SUCLG2: variants seen among roughly 807,000 people sequenced by gnomAD.
SUCLG2 encodes the protein succinate-CoA ligase GDP-forming subunit beta.
A neutral mutation model predicts 47.9 loss-of-function variants in SUCLG2; 42 were observed. That is an observed-to-expected ratio of 0.88 (90% CI 0.69 to 1.14). SUCLG2 has a LOEUF of 1.14. SUCLG2 is among the 50% of genes most tolerant of loss of function. The pLI is 0.00. For missense variants in SUCLG2, 571 were observed against 525.9 expected (o/e 1.09, Z -0.84); for synonymous variants, 195 against 197.3 (o/e 0.99, Z 0.10).
At chr3:67,460,808 A>G (rs1029945319) in intron 9 of SUCLG2, among the ~76,000 whole-genome samples, 1 of 152,236 alleles carries the variant, frequency 6.6e-6, no homozygotes, top group African/African-American at 2.4e-5. Flanking sequence ...GGAAGGAAAA[A>G]TTAAAACTAT....
At chr3:67,499,615 G>A (rs1214092739) in intron 7 of SUCLG2, among the ~76,000 whole-genome samples, 1 of 152,216 alleles carries the variant, frequency 6.6e-6, no homozygotes, top group African/African-American at 2.4e-5. Context: ...CTGCAGTGGA[G>A]AGGGTGGCAT....
chr3:67,576,398 T>C (rs1258015523), intron 2 of SUCLG2, among the ~76,000 whole-genome samples: 2 of 152,118 alleles, frequency 1.3e-5, no homozygotes, highest in Admixed American at 1.3e-4. Context: ...GGTCCAAGTT[T>C]TAACAGGAAA....
intron 1 of SUCLG2, among the ~76,000 whole-genome samples, chr3:67,618,606 T>G (rs1404373925): frequency 2.0e-5 from 3 of 152,140 alleles, no homozygotes; most frequent in African/African-American, 7.2e-5. Flanking sequence ...AAAAAACCCA[T>G]GAGCTTTCTA....
intron 7 of SUCLG2, among the ~76,000 whole-genome samples, chr3:67,503,308 A>C (rs1221837667): frequency 6.6e-6 from 1 of 152,214 alleles, no homozygotes; most frequent in Non-Finnish European, 1.5e-5. Flanking sequence ...CATTCCATTA[A>C]CATGAAAACC....
intron 2 of SUCLG2, among the ~76,000 whole-genome samples, chr3:67,551,321 T>C (rs1383133846): frequency 6.6e-6 from 1 of 152,306 alleles, no homozygotes; most frequent in South Asian, 2.1e-4. Context: ...CTGCTACAAA[T>C]GCACACCATG....
At position 67,443,317 on chromosome 3, in the gene SUCLG2, C is replaced by T. The variant is rs1703823595; in HGVS notation, c.1063-42466G>A. ...CGGGAGGATGGAGTTCAGCGGGCAG[C>T]GGAGCTGTCTCAGTCTTTGCCGCCG... On this transcript the variant is annotated intron_variant, in intron 9 of 10. Transcript: ENST00000307227. 1.4e-4 allele frequency among the ~76,000 whole-genome samples: 3 copies of T among 21,734 alleles called. 1 individual carries two copies. The highest frequency in any genetic ancestry group is 5.7e-4 in the Admixed American group (1 of 1,766). The allele number at this position is 21,734 out of a possible 152,430, so 14.3% of individuals were successfully genotyped here. A position where few individuals can be genotyped will look rare whatever the true frequency, so the allele number is the denominator to read the frequency against.
rs541553169 is a variant in SUCLG2, at chr3:67,513,384, T to G, written c.661-4481A>C. 3.3e-5 allele frequency among the ~76,000 whole-genome samples: 5 copies of G among 152,350 alleles called. No individual in the cohort carries two copies. The East Asian group carries it at 9.6e-4, about 29-fold the overall frequency. On this transcript the variant is annotated intron_variant, in intron 6 of 10. Coordinates refer to ENST00000307227, the MANE Select transcript of SUCLG2 (RefSeq NM_003848.4). ...ATTTTGGGGATATTTTCTGTTTTAA[T>G]TTTTACTGTTGCACAAAGGCAGACC...
At chr3:67,570,631 T>C (rs1433970972) in intron 2 of SUCLG2, among the ~76,000 whole-genome samples, 3 of 152,172 alleles carry the variant, frequency 2.0e-5, no homozygotes, top group East Asian at 1.9e-4. Flanking sequence ...ATCATGCCTA[T>C]ATAGTGAAGC....
chr3:67,530,800 T>A (rs1417678420), intron 2 of SUCLG2, among the ~76,000 whole-genome samples: 1 of 152,186 alleles, frequency 6.6e-6, no homozygotes, highest in African/African-American at 2.4e-5. Flanking sequence ...ACAACATTGG[T>A]CAAGCCCTGT....
At chr3:67,383,525 C>T (rs1369889467) in intron 10 of SUCLG2, among the ~76,000 whole-genome samples, 1 of 152,148 alleles carries the variant, frequency 6.6e-6, no homozygotes, top group African/African-American at 2.4e-5. Context: ...TTTCTTCTCG[C>T]ACAGTAAGAA....
intron 2 of SUCLG2, among the ~76,000 whole-genome samples, chr3:67,585,989 A>AC (rs1389179954): frequency 1.2e-4 from 6 of 49,364 alleles, no homozygotes; most frequent in Admixed American, 5.6e-4. Flanking sequence ...AAAAAAAAAA[A>AC]AACCAAACCC....
At chr3:67,606,627 A>G (rs1700423857) in intron 2 of SUCLG2, among the ~76,000 whole-genome samples, 1 of 152,214 alleles carries the variant, frequency 6.6e-6, no homozygotes, top group Non-Finnish European at 1.5e-5. Flanking sequence ...TTCACTGAGG[A>G]GCTCTCATCC....
At chr3:67,484,669 A>G (rs2107026213) in intron 9 of SUCLG2, among the ~76,000 whole-genome samples, 1 of 152,362 alleles carries the variant, frequency 6.6e-6, no homozygotes, top group South Asian at 2.1e-4. Context: ...GCAATTTTAC[A>G]GAATTTTTAA....
At chr3:67,450,768 C>A (rs1218251606) in intron 9 of SUCLG2, among the ~76,000 whole-genome samples, 2 of 152,212 alleles carry the variant, frequency 1.3e-5, no homozygotes, top group Admixed American at 1.3e-4. Flanking sequence ...ATAACAACAT[C>A]ATTTCCCAGG....
chr3:67,572,262 TCAGATCCCCAA>T (rs1707633784), intron 2 of SUCLG2, among the ~76,000 whole-genome samples: 1 of 152,218 alleles, frequency 6.6e-6, no homozygotes, highest in Non-Finnish European at 1.5e-5. Context: ...AACTTTTCCC[TCAGATCCCCAA>T]CCTATCACAA....
chr3:67,425,607 T>C (rs925622133), intron 9 of SUCLG2, among the ~76,000 whole-genome samples: 6 of 152,184 alleles, frequency 3.9e-5, no homozygotes, highest in Non-Finnish European at 2.9e-5. Flanking sequence ...CCATCCCTGG[T>C]TCCCAGGCCT....
chr3:67,391,012 C>T (rs978563619), intron 10 of SUCLG2, among the ~76,000 whole-genome samples: 3 of 152,140 alleles, frequency 2.0e-5, no homozygotes, highest in Non-Finnish European at 2.9e-5. Context: ...TAATAAACCT[C>T]GAGATAATTT....
At chr3:67,482,388 C>A (rs563809183) in intron 9 of SUCLG2, among the ~76,000 whole-genome samples, 35 of 152,244 alleles carry the variant, frequency 2.3e-4, no homozygotes, top group African/African-American at 8.2e-4. Context: ...ATTGGCAGTG[C>A]CTTTAAGGAA....
chr3:67,642,222 A>G (rs1701113773), intron 1 of SUCLG2, among the ~76,000 whole-genome samples: 1 of 152,228 alleles, frequency 6.6e-6, no homozygotes, highest in South Asian at 2.1e-4. Context: ...GACCCACGTG[A>G]GTGGCATCCT....
Sources: allele counts gnomAD v4.1 joint callset (sites outside exome capture counted in the v4.1 genomes callset), GRCh38; gene constraint gnomAD v4.1.1; transcripts MANE v1.5; gene names NCBI Gene and HGNC (gene_info 2026-07-23, HGNC 2026-07-21).